Variants in GRM8 observed in about 807,000 individuals in gnomAD.
GRM8 encodes glutamate metabotropic receptor 8, also known as metabotropic glutamate receptor 8.
GRM8 carries 47 observed loss-of-function variants against 87.2 expected under a neutral mutation model. That is an observed-to-expected ratio of 0.54 (90% CI 0.43 to 0.69). The LOEUF is 0.69. GRM8 is among the 30% of genes least tolerant of loss of function. GRM8 has a pLI of 0.00. For synonymous variants in GRM8, 396 were observed against 404.5 expected (o/e 0.98, Z 0.25); for missense variants, 1,019 against 1,139.2 (o/e 0.89, Z 1.52).
chr7:126,592,126 A>C (rs548998963), intron 8 of GRM8, among the ~76,000 whole-genome samples: 1 of 135,252 alleles, frequency 7.4e-6, no homozygotes, highest in South Asian at 2.6e-4. Flanking sequence ...AAGGAGATTG[A>C]ATCAATAATA....
At chr7:126,576,152 C>T (rs1369617988) in intron 8 of GRM8, among the ~76,000 whole-genome samples, 1 of 152,180 alleles carries the variant, frequency 6.6e-6, no homozygotes. Context: ...AAACTAAATT[C>T]TCACCAACAT....
intron 8 of GRM8, among the ~76,000 whole-genome samples, chr7:126,577,970 T>C (rs1795262177): frequency 6.6e-6 from 1 of 152,150 alleles, no homozygotes; most frequent in South Asian, 2.1e-4. Context: ...TCCTAATCTA[T>C]TCATTTCCTT....
intron 9 of GRM8, among the ~76,000 whole-genome samples, chr7:126,502,768 T>C (rs578054873): frequency 1.1e-4 from 17 of 152,194 alleles, no homozygotes; most frequent in African/African-American, 4.1e-4. Flanking sequence ...TGACTGGATG[T>C]GTACTTTATA....
chr7:126,696,458 C>T (rs1314820896), intron 7 of GRM8, among the ~76,000 whole-genome samples: 1 of 152,084 alleles, frequency 6.6e-6, no homozygotes, highest in Non-Finnish European at 1.5e-5. Flanking sequence ...GTTCAGCTCC[C>T]ACTTACAAGT....
intron 8 of GRM8, among the ~76,000 whole-genome samples, chr7:126,585,912 G>C (rs1337292128): frequency 6.6e-6 from 1 of 152,166 alleles, no homozygotes; most frequent in East Asian, 1.9e-4. Context: ...TAGATGACAT[G>C]ATTGTGTATT....
intron 2 of GRM8, among the ~76,000 whole-genome samples, chr7:127,223,980 A>T (rs1199202352): frequency 6.6e-6 from 1 of 152,068 alleles, no homozygotes; most frequent in Non-Finnish European, 1.5e-5. Flanking sequence ...AGGCCAAAAA[A>T]AATCTGTGAA....
intron 2 of GRM8, among the ~76,000 whole-genome samples, chr7:127,223,559 T>A (rs1416776383): frequency 6.6e-6 from 1 of 150,384 alleles, no homozygotes; most frequent in Non-Finnish European, 1.5e-5. Flanking sequence ...CCCCAACACC[T>A]CCACCAGGAT....
chr7:127,124,357 T>C (rs1188837770), intron 2 of GRM8, among the ~76,000 whole-genome samples: 2 of 152,150 alleles, frequency 1.3e-5, no homozygotes, highest in African/African-American at 2.4e-5. Flanking sequence ...TTCACTTGAA[T>C]CAGCAACTTT....
In GRM8 at chr7:126,737,706, C is replaced by A. The variant is rs116623679; in HGVS notation, c.1357+32159G>T. Among the ~76,000 whole-genome samples the A allele has an allele frequency of 2.4e-3, 366 of 152,142 alleles. 1 individual carries two copies. Among genetic ancestry groups the A allele is most frequent in the African/African-American group, 7.0e-3 (292 of 41,538 alleles). On this transcript the variant is annotated intron_variant, in intron 7 of 10. Transcript: ENST00000339582. ...TCAAATGACCATTAAGTTTTTCATT[C>A]ATTCAGCAAACATCTATTGAACACC... is the stretch of plus-strand genomic sequence containing the variant.
chr7:126,553,834 T>C (rs1792853588), intron 8 of GRM8, among the ~76,000 whole-genome samples: 1 of 152,170 alleles, frequency 6.6e-6, no homozygotes, highest in Non-Finnish European at 1.5e-5. Flanking sequence ...TGATAGCTTA[T>C]CAATCAAAAT....
intron 7 of GRM8, among the ~76,000 whole-genome samples, chr7:126,623,841 G>A (rs1207011950): frequency 6.6e-6 from 1 of 152,198 alleles, no homozygotes. Flanking sequence ...CACTTAAGAG[G>A]CTGAGTTGGG....
intron 6 of GRM8, among the ~76,000 whole-genome samples, chr7:126,859,525 G>A (rs933243052): frequency 6.6e-6 from 1 of 152,216 alleles, no homozygotes; most frequent in Non-Finnish European, 1.5e-5. Context: ...AATGTGAAAA[G>A]TAGCCTGGAT....
At chr7:126,579,526 C>A (rs17150011) in intron 8 of GRM8, among the ~76,000 whole-genome samples, 19,506 of 152,186 alleles carry the variant, frequency 0.13, 1,561 homozygotes, top group South Asian at 0.17. Flanking sequence ...TTTAATAAGT[C>A]CATGGCAGGC....
At position 127,211,699 on chromosome 7, in the gene GRM8, C is replaced by T. The variant is rs541615575; in HGVS notation, c.510+30996G>A. 7.9e-5 allele frequency among the ~76,000 whole-genome samples: 12 copies of T among 152,288 alleles called. No homozygotes were observed. In the South Asian group the frequency reaches 2.1e-3, roughly 26 times the overall value. ...TGGGTTGAGGGAACAAGTTTACCCC[C>T]GCTTTGGCTCCTTCCACCCTGTGAA... On this transcript the variant is annotated intron_variant, in intron 2 of 10. Coordinates refer to ENST00000339582, the MANE Select transcript of GRM8 (RefSeq NM_000845.3).
chr7:126,476,281 C>G (rs1418953088), intron 9 of GRM8, among the ~76,000 whole-genome samples: 1 of 151,978 alleles, frequency 6.6e-6, no homozygotes, highest in Non-Finnish European at 1.5e-5. Context: ...ATTAGCCAGG[C>G]ATAGTGGCAT....
chr7:126,585,795 A>C (rs1256851800), intron 8 of GRM8, among the ~76,000 whole-genome samples: 1 of 151,908 alleles, frequency 6.6e-6, no homozygotes. Context: ...CTCTCTCACC[A>C]CTCCTTTTCA....
At chr7:126,882,198 C>CACAA (rs755041871) in intron 6 of GRM8, among the ~76,000 whole-genome samples, 3 of 152,140 alleles carry the variant, frequency 2.0e-5, no homozygotes, top group Non-Finnish European at 4.4e-5. Context: ...GCTTTAAGTA[C>CACAA]ACAAACAGGT....
At chr7:126,646,967 G>A (rs1803175364) in intron 7 of GRM8, among the ~76,000 whole-genome samples, 1 of 152,124 alleles carries the variant, frequency 6.6e-6, no homozygotes, top group Non-Finnish European at 1.5e-5. Flanking sequence ...TTTACTTTGA[G>A]CCATCATGAT....
At chr7:127,221,490 C>CCTTGCA (rs1796929818) in intron 2 of GRM8, among the ~76,000 whole-genome samples, 2 of 152,280 alleles carry the variant, frequency 1.3e-5, no homozygotes, top group Non-Finnish European at 2.9e-5. Context: ...TTGCCCGTAG[C>CCTTGCA]TCAAGACTGG....
Sources: allele counts gnomAD v4.1 joint callset (sites outside exome capture counted in the v4.1 genomes callset), GRCh38; gene constraint gnomAD v4.1.1; transcripts MANE v1.5; gene names NCBI Gene and HGNC (gene_info 2026-07-23, HGNC 2026-07-21).